LIPA: variants seen among roughly 807,000 people sequenced by gnomAD.
LIPA encodes the protein lysosomal acid lipase/cholesteryl ester hydrolase.
LIPA carries 26 observed loss-of-function variants against 40.6 expected under a neutral mutation model. That is an observed-to-expected ratio of 0.64 (90% CI 0.47 to 0.89). LIPA has a LOEUF of 0.89. Among genes scored for constraint, LIPA ranks in the 40% least tolerant of loss-of-function variants. The pLI, the probability that LIPA is intolerant of heterozygous loss-of-function variation, is 0.00. For missense variants in LIPA, 455 were observed against 479.6 expected (o/e 0.95, Z 0.48); for synonymous variants, 188 against 168.4 (o/e 1.12, Z -0.90).
intron 2 of LIPA, among the ~76,000 whole-genome samples, chr10:89,354,214 A>C (rs1843977301): frequency 6.6e-6 from 1 of 152,210 alleles, no homozygotes; most frequent in African/African-American, 2.4e-5. Flanking sequence ...AAAGATCCAA[A>C]AGAATGCAAC....
intron 1 of LIPA, among the ~76,000 whole-genome samples, chr10:89,256,829 G>T (rs1843183675): frequency 6.6e-6 from 1 of 152,200 alleles, no homozygotes. Context: ...CCTTCACTCA[G>T]GTAGGGGAAG....
At position 89,316,919 on chromosome 10, in the gene LIPA, G is replaced by T. The variant is rs561841054; in HGVS notation, c.-2+25692C>A. On this transcript the variant is annotated intron_variant, in intron 1 of 5. Coordinates refer to the LIPA transcript ENST00000282673. ...AGGCAGCAACATTTGCCTTTCTGCAGCCTCCACTGGTGATACCCAGGCAAA... is the reference window on the plus strand; with the variant it reads ...AGGCAGCAACATTTGCCTTTCTGCATCCTCCACTGGTGATACCCAGGCAAA... Among the ~76,000 whole-genome samples the T allele has an allele frequency of 9.8e-5, 15 of 152,332 alleles. 1 individual carries two copies. In the South Asian group the frequency reaches 3.1e-3, roughly 32 times the overall value.
chr10:89,330,483 T>A (rs1052505421), intron 1 of LIPA, among the ~76,000 whole-genome samples: 1 of 152,188 alleles, frequency 6.6e-6, no homozygotes. Context: ...GGGCTTCCTA[T>A]CTGGAGAGTA....
chr10:89,322,168 T>C (rs904876728), intron 1 of LIPA, among the ~76,000 whole-genome samples: 2 of 152,212 alleles, frequency 1.3e-5, no homozygotes, highest in African/African-American at 2.4e-5. Flanking sequence ...AGTATACATA[T>C]GTAACAAACC....
At chr10:89,390,921 T>C (rs1844243274) in intron 2 of LIPA, among the ~76,000 whole-genome samples, 1 of 152,258 alleles carries the variant, frequency 6.6e-6, no homozygotes, top group Non-Finnish European at 1.5e-5. Flanking sequence ...CATTTGCTTA[T>C]GGCCTGATCA....
chr10:89,338,377 G>A (rs1843781985), intron 1 of LIPA: 2 of 332,090 alleles, frequency 6.0e-6, no homozygotes, highest in East Asian at 1.1e-4. Context: ...CAAGCAGTCG[G>A]TCAGAGGGAG....
In LIPA at chr10:89,224,612, T is replaced by A. The variant is rs115444909; in HGVS notation, c.675+480A>T. Among the ~76,000 whole-genome samples, 533 of 152,340 alleles carry A rather than the reference T, an allele frequency of 3.5e-3. 4 individuals carry two copies. The highest frequency in any genetic ancestry group is 0.012 in the African/African-American group (499 of 41,576). On this transcript the variant is annotated intron_variant, in intron 6 of 9. Transcript: ENST00000336233. ...TGAACAGAGGTTCGGGTGCCACAGC[T>A]TTAGGGCAGAGCCCTGATGAAGCTA...
chr10:89,250,094 T>TTTC (rs1208704298), intron 1 of LIPA, among the ~76,000 whole-genome samples: 5 of 120,956 alleles, frequency 4.1e-5, no homozygotes, highest in African/African-American at 1.9e-4. Flanking sequence ...TTTCTTTTTC[T>TTTC]TTTCTTTTCT....
chr10:89,315,664 T>C (rs557844767), intron 1 of LIPA, among the ~76,000 whole-genome samples: 1 of 152,270 alleles, frequency 6.6e-6, no homozygotes, highest in Non-Finnish European at 1.5e-5. Context: ...CATTAAACAA[T>C]AATATGTGTA....
intron 1 of LIPA, among the ~76,000 whole-genome samples, chr10:89,324,743 A>C (rs1843590144): frequency 6.6e-6 from 1 of 152,206 alleles, no homozygotes; most frequent in Non-Finnish European, 1.5e-5. Context: ...GAAGACATGC[A>C]TGCGGCCAAT....
chr10:89,220,859 T>C (rs1269992228), intron 8 of LIPA, among the ~76,000 whole-genome samples: 3 of 152,158 alleles, frequency 2.0e-5, no homozygotes, highest in Non-Finnish European at 2.9e-5. Context: ...ACCAGGCAGA[T>C]TTTTTAAAAA....
intron 1 of LIPA, among the ~76,000 whole-genome samples, chr10:89,319,271 G>A (rs1341984942): frequency 6.6e-6 from 1 of 152,098 alleles, no homozygotes. Flanking sequence ...ATGAATCCAG[G>A]AACTGATTTT....
At chr10:89,402,649 G>T in intron 2 of LIPA, 1 of 1,614,210 alleles carries the variant, frequency 6.2e-7, no homozygotes, top group Non-Finnish European at 8.5e-7. Context: ...GAGAACATTT[G>T]CAAGAAGCTT....
intron 3 of LIPA, among the ~76,000 whole-genome samples, chr10:89,233,014 C>A (rs1842860924): frequency 6.6e-6 from 1 of 152,186 alleles, no homozygotes; most frequent in Admixed American, 6.5e-5. Context: ...TCGGTAAATA[C>A]CCTTGTTCCA....
At chr10:89,268,848 C>T (rs1164650542) in intron 1 of LIPA, among the ~76,000 whole-genome samples, 3 of 151,378 alleles carry the variant, frequency 2.0e-5, no homozygotes, top group Middle Eastern at 6.9e-3. Flanking sequence ...TAGCTGGGCG[C>T]GGTGACGGGC....
intron 1 of LIPA, chr10:89,307,146 A>G: frequency 6.2e-7 from 1 of 1,614,080 alleles, no homozygotes; most frequent in Non-Finnish European, 8.5e-7. Context: ...CACTTTATAG[A>G]GGGTGTAAAA....
intron 1 of LIPA, among the ~76,000 whole-genome samples, chr10:89,277,222 C>T (rs1268316381): frequency 6.6e-6 from 1 of 152,166 alleles, no homozygotes. Flanking sequence ...GGAGTGGCTG[C>T]AATACGAGAG....
intron 1 of LIPA, among the ~76,000 whole-genome samples, chr10:89,256,839 G>T (rs1395249796): frequency 6.6e-6 from 1 of 152,196 alleles, no homozygotes; most frequent in Admixed American, 6.5e-5. Flanking sequence ...GGTAGGGGAA[G>T]ATTTCTCCTA....
chr10:89,375,916 A>C (rs894307367), intron 2 of LIPA, among the ~76,000 whole-genome samples: 1 of 152,144 alleles, frequency 6.6e-6, no homozygotes, highest in Non-Finnish European at 1.5e-5. Flanking sequence ...GGCCAGGTGC[A>C]GTGGCTCACA....
Sources: gnomAD v4.1 joint callset for allele counts (sites outside exome capture counted in the v4.1 genomes callset) on GRCh38, gnomAD v4.1.1 for gene constraint, MANE v1.5 for transcripts, NCBI Gene and HGNC (gene_info 2026-07-23, HGNC 2026-07-21) for gene names.